The following NLRP5 variants were observed in gnomAD, a reference collection of about 807,000 sequenced individuals.
NLRP5 encodes the protein NLR family pyrin domain containing 5, also known as NACHT, LRR and PYD domains-containing protein 5.
A neutral mutation model predicts 113.1 loss-of-function variants in NLRP5; 93 were observed. The observed-to-expected ratio is 0.82, with a 90% CI of 0.70 to 0.98. The LOEUF is 0.98. NLRP5 is among the 50% of genes least tolerant of loss of function. The pLI, the probability that NLRP5 is intolerant of heterozygous loss-of-function variation, is 0.00. For missense variants in NLRP5, 1,808 were observed against 1,514.3 expected (o/e 1.19, Z -3.22); for synonymous variants, 751 against 600.7 (o/e 1.25, Z -3.66).
chr19:56,060,117 ATG>A (rs1233514250), intron 14 of NLRP5, among the ~76,000 whole-genome samples: 1 of 152,178 alleles, frequency 6.6e-6, no homozygotes, highest in Non-Finnish European at 1.5e-5. Flanking sequence ...TGTTGAAAGA[ATG>A]TGTTTATATC....
intron 12 of NLRP5, 127 bp downstream of exon 12, chr19:56,050,715 T>G: frequency 1.2e-6 from 1 of 865,446 alleles, no homozygotes; most frequent in Non-Finnish European, 1.8e-6. Flanking sequence ...CACTCATTTT[T>G]CCAAGGGCAA....
upstream of NLRP5, among the ~76,000 whole-genome samples, chr19:55,997,405 C>T (rs1981359030): frequency 1.3e-5 from 2 of 152,186 alleles, no homozygotes; most frequent in South Asian, 4.2e-4. Flanking sequence ...AGACGTTGGC[C>T]TGTAGTTTTC....
the NLRP5 span, chr19:55,988,649 C>G: frequency 3.3e-5 from 5 of 152,042 alleles, no homozygotes; most frequent in East Asian, 9.7e-4. Context: ...TTTCCTTACC[C>G]ACCCCTGAGG....
chr19:56,027,444 T>A lies in NLRP5; in HGVS notation c.1211T>A (p.Phe404Tyr). 1 of 1,613,654 alleles carries A rather than the reference T, an allele frequency of 6.2e-7. No individual in the cohort carries two copies. Among genetic ancestry groups the A allele is most frequent in the South Asian group, 1.1e-5 (1 of 90,978 alleles). The stretch of plus-strand genomic sequence containing the variant: ...AGGAAGGTCCTGCTCCCTGAGTCCT[T>A]CCTGATCGTCACCGTCAGAGACGTG... Residue 404 changes from phenylalanine (F) to tyrosine (Y), a missense_variant, in exon 7 of 15, where the codon TTC (phenylalanine) becomes TAC (tyrosine). Phe to Tyr is a conservative substitution (Grantham distance 22, BLOSUM62 3). Coordinates refer to ENST00000390649, the MANE Select transcript of NLRP5 (RefSeq NM_153447.4).
intron 7 of NLRP5, 68 bp from the exon 8 acceptor site, chr19:56,032,543 C>T (rs551372422): frequency 1.6e-5 from 23 of 1,442,292 alleles, no homozygotes; most frequent in South Asian, 6.5e-5. Context: ...TCTCCTCCGA[C>T]GTGTTGCCAC....
chr19:56,055,736 G>A (rs145133341), intron 13 of NLRP5, among the ~76,000 whole-genome samples: 11,591 of 150,670 alleles, frequency 0.077, 536 homozygotes, highest in Non-Finnish European at 0.11. Context: ...TAGTAGAGAC[G>A]GGGTTTCACC....
chr19:56,029,073 C>T (rs1024989823), intron 7 of NLRP5, among the ~76,000 whole-genome samples: 15 of 151,640 alleles, frequency 9.9e-5, no homozygotes, highest in African/African-American at 3.1e-4. Flanking sequence ...TGAATGTGAC[C>T]GCTCAGGTTT....
chr19:56,037,773 C>A (rs951050320), intron 9 of NLRP5, among the ~76,000 whole-genome samples: 1 of 150,664 alleles, frequency 6.6e-6, no homozygotes, highest in Non-Finnish European at 1.5e-5. Flanking sequence ...GGGGTAGGCA[C>A]CATTTAAGGT....
rs1304641369 is a variant in NLRP5, at chr19:56,005,502, CTG to C, written c.442+1409_442+1410del. Among the ~76,000 whole-genome samples, 64 of 141,692 alleles carry C rather than the reference CTG, an allele frequency of 4.5e-4. 1 individual carries two copies. Among genetic ancestry groups the C allele is most frequent in the African/African-American group, 8.0e-4 (30 of 37,394 alleles). The allele number at this position is 141,692 out of a possible 152,430, so 93.0% of individuals were successfully genotyped here. ...ACACACACACACGCAGGTGGCATGC[CTG>C]TACACATATATATTTATACACACAC... On this transcript the variant is annotated intron_variant, in intron 2 of 14. Transcript: ENST00000390649.
At chr19:55,992,503 A>C in the NLRP5 span, among the ~76,000 whole-genome samples, 1 of 152,090 alleles carries the variant, frequency 6.6e-6, no homozygotes, top group East Asian at 1.9e-4. Flanking sequence ...TAAGCTTTCC[A>C]TTTTTTCCTG....
chr19:56,005,599 CAT>C (rs1463009481), intron 2 of NLRP5, among the ~76,000 whole-genome samples: 15 of 145,546 alleles, frequency 1.0e-4, no homozygotes, highest in Admixed American at 1.5e-4. Flanking sequence ...ACGCAGGTGG[CAT>C]GCCTGTACAC....
chr19:55,988,857 T>C, the NLRP5 span, among the ~76,000 whole-genome samples: 1 of 152,238 alleles, frequency 6.6e-6, no homozygotes, highest in Non-Finnish European at 1.5e-5. Context: ...CTTTGTCTTC[T>C]GTGTTTTGCT....
chr19:56,011,705 T>G (rs535875837), intron 3 of NLRP5, among the ~76,000 whole-genome samples: 1 of 150,560 alleles, frequency 6.6e-6, no homozygotes, highest in Admixed American at 6.6e-5. Flanking sequence ...TTTTTTTTTC[T>G]TTCCCGCCTA....
At chr19:56,045,755 A>G (rs1375218091) in intron 11 of NLRP5, among the ~76,000 whole-genome samples, 1 of 152,204 alleles carries the variant, frequency 6.6e-6, no homozygotes, top group East Asian at 1.9e-4. Flanking sequence ...GGGCAGGGGA[A>G]GAATGTCACA....
chr19:56,052,160 G>A lies in NLRP5; in HGVS notation c.3129-1478G>A, dbSNP rs535073607. ...AGGGTTGGCCCTCACAACTGCATCC[G>A]TTTTTTCTTTTGTTTGTTTTTTGCT... is the stretch of plus-strand genomic sequence containing the variant. On this transcript the variant is annotated intron_variant, in intron 12 of 14. Transcript: ENST00000390649. Among the ~76,000 whole-genome samples, 63 of 151,774 alleles carry A rather than the reference G, an allele frequency of 4.2e-4. 1 individual carries two copies. The highest frequency in any genetic ancestry group is 1.1e-3 in the African/African-American group (47 of 41,472).
At chr19:56,019,213 A>G in intron 4 of NLRP5, 129 bp from the exon 5 acceptor site, 2 of 1,020,662 alleles carry the variant, frequency 2.0e-6, no homozygotes, top group Non-Finnish European at 3.0e-6. Flanking sequence ...TCTAGCTGAG[A>G]CAGTGGTTGC....
At chr19:56,050,310 C>T in intron 11 of NLRP5, 108 bp from the exon 12 acceptor site, 6 of 1,025,834 alleles carry the variant, frequency 5.8e-6, no homozygotes, top group Non-Finnish European at 8.5e-6. Context: ...AAATATGACC[C>T]CACCCTACAC....
At chr19:56,026,463 C>G (rs3103609) in intron 6 of NLRP5, among the ~76,000 whole-genome samples, 138,837 of 138,840 alleles carry the variant, frequency 1, 69,417 homozygotes, top group Middle Eastern at 1. Flanking sequence ...AGGAAGCGGA[C>G]GTTGCAGTGA....
chr19:56,026,084 A>C (rs879523), intron 6 of NLRP5, among the ~76,000 whole-genome samples: 58,615 of 151,772 alleles, frequency 0.39, 11,677 homozygotes, highest in Non-Finnish European at 0.44. Flanking sequence ...TAGATTGTTA[A>C]GAAGCTTTTG....
Sources: allele counts gnomAD v4.1 joint callset (sites outside exome capture counted in the v4.1 genomes callset), GRCh38; gene constraint gnomAD v4.1.1; transcripts MANE v1.5; gene names NCBI Gene and HGNC (gene_info 2026-07-23, HGNC 2026-07-21).